Variants in SLC36A1 observed in about 807,000 individuals in gnomAD.
SLC36A1 encodes the protein proton-coupled amino acid transporter 1.
SLC36A1 carries 30 observed loss-of-function variants against 47.5 expected under a neutral mutation model. The observed-to-expected ratio is 0.63, with a 90% CI of 0.47 to 0.86. The LOEUF (loss-of-function observed/expected upper bound fraction) is 0.86, where lower values mean the gene tolerates loss of function less well. Ranked by LOEUF, SLC36A1 falls within the 40% of genes least tolerant of loss-of-function variation. The pLI is 0.00. For missense variants in SLC36A1, 517 were observed against 606.0 expected (o/e 0.85, Z 1.54); for synonymous variants, 255 against 249.7 (o/e 1.02, Z -0.20).
the SLC36A1 span, among the ~76,000 whole-genome samples, chr5:151,537,545 C>T: frequency 6.6e-6 from 1 of 152,092 alleles, no homozygotes; most frequent in Non-Finnish European, 1.5e-5. Flanking sequence ...TGCACTTTTT[C>T]TTAATTTAGC....
chr5:151,401,421 A>C, the SLC36A1 span, among the ~76,000 whole-genome samples: 1 of 152,066 alleles, frequency 6.6e-6, no homozygotes, highest in Non-Finnish European at 1.5e-5. Context: ...TGTTTTTGTT[A>C]CTGTAACCTT....
chr5:151,407,106 G>A, the SLC36A1 span, among the ~76,000 whole-genome samples: 2 of 150,554 alleles, frequency 1.3e-5, no homozygotes, highest in South Asian at 2.1e-4. Flanking sequence ...CCTTTGCAGC[G>A]AATGTTACAG....
the SLC36A1 span, among the ~76,000 whole-genome samples, chr5:151,528,313 A>G: frequency 6.6e-6 from 1 of 152,154 alleles, no homozygotes; most frequent in Non-Finnish European, 1.5e-5. Flanking sequence ...TCAGCATGCC[A>G]TGGTTTATTC....
At chr5:151,538,825 T>C in the SLC36A1 span, among the ~76,000 whole-genome samples, 2 of 151,504 alleles carry the variant, frequency 1.3e-5, no homozygotes, top group Non-Finnish European at 1.5e-5. Context: ...TACAGGTGCG[T>C]GCCACCACAC....
chr5:151,476,209 G>C (rs1170243033), intron 8 of SLC36A1, among the ~76,000 whole-genome samples: 1 of 152,254 alleles, frequency 6.6e-6, no homozygotes, highest in Non-Finnish European at 1.5e-5. Flanking sequence ...AGGAAGCTGT[G>C]ATCTCAGGTT....
At chr5:151,368,552 T>C in the SLC36A1 span, among the ~76,000 whole-genome samples, 1 of 152,224 alleles carries the variant, frequency 6.6e-6, no homozygotes, top group African/African-American at 2.4e-5. Context: ...TGCATTTTAT[T>C]GACTCCGAAT....
the SLC36A1 span, among the ~76,000 whole-genome samples, chr5:151,513,726 T>G: frequency 0.012 from 1,873 of 152,292 alleles, 40 homozygotes; most frequent in African/African-American, 0.043. Flanking sequence ...AACCTGCATA[T>G]GTACCCCCGA....
At chr5:151,380,255 C>T in the SLC36A1 span, 568 of 227,892 alleles carry the variant, frequency 2.5e-3, 3 homozygotes, top group African/African-American at 0.012. Context: ...GAGGCTGCGG[C>T]GGGCGGATCA....
intron 4 of SLC36A1, 33 bp from the exon 5 acceptor site, chr5:151,465,041 C>T (rs1392125988): frequency 2.6e-6 from 4 of 1,530,406 alleles, no homozygotes; most frequent in Non-Finnish European, 3.6e-6. Context: ...AATCCACGTG[C>T]TCTGTCCTTC....
At chr5:151,382,027 G>A in the SLC36A1 span, 1 of 647,038 alleles carries the variant, frequency 1.5e-6, no homozygotes, top group South Asian at 1.9e-5. Flanking sequence ...CCCAGCCCGG[G>A]AGCTCTCCCA....
the SLC36A1 span, among the ~76,000 whole-genome samples, chr5:151,352,369 C>A: frequency 6.6e-6 from 1 of 152,186 alleles, no homozygotes; most frequent in Non-Finnish European, 1.5e-5. Flanking sequence ...AGGCCTGGCT[C>A]ATGGTAGGCT....
chr5:151,532,312 T>C, the SLC36A1 span, among the ~76,000 whole-genome samples: 1 of 152,212 alleles, frequency 6.6e-6, no homozygotes, highest in African/African-American at 2.4e-5. Flanking sequence ...AGAACAGCTC[T>C]GTATCTTGAT....
upstream of SLC36A1, among the ~76,000 whole-genome samples, chr5:151,436,409 A>T (rs1007375952): frequency 1.3e-5 from 2 of 152,048 alleles, no homozygotes; most frequent in African/African-American, 4.8e-5. Flanking sequence ...GTGGATGTTG[A>T]GGGCCACCCC....
At chr5:151,479,189 G>A in intron 9 of SLC36A1, 131 bp from the exon 10 acceptor site, 4 of 860,774 alleles carry the variant, frequency 4.6e-6, no homozygotes, top group Non-Finnish European at 7.2e-6. Context: ...TGAAATTGCT[G>A]GGTCCGAAGG....
At chr5:151,550,799 C>T in the SLC36A1 span, 2,590 of 1,613,964 alleles carry the variant, frequency 1.6e-3, 29 homozygotes, top group African/African-American at 0.03. Context: ...TCCTGGGGAA[C>T]TCTGACTTCA....
chr5:151,523,038 C>T, the SLC36A1 span, among the ~76,000 whole-genome samples: 1 of 152,166 alleles, frequency 6.6e-6, no homozygotes, highest in Non-Finnish European at 1.5e-5. Context: ...GCCTTCTTCT[C>T]CTCAGTGATG....
the SLC36A1 span, among the ~76,000 whole-genome samples, chr5:151,373,638 GAAGA>G: frequency 6.6e-6 from 1 of 152,148 alleles, no homozygotes; most frequent in Admixed American, 6.5e-5. Context: ...TCTTCAGGAA[GAAGA>G]AATATTATTC....
chr5:151,546,189 C>G, the SLC36A1 span: 1 of 1,614,172 alleles, frequency 6.2e-7, no homozygotes, highest in African/African-American at 1.3e-5. Context: ...CATGAATGAT[C>G]ACTGTAGCCA....
At chr5:151,380,608 G>A in the SLC36A1 span, 1 of 550,516 alleles carries the variant, frequency 1.8e-6, no homozygotes, top group African/African-American at 1.9e-5. Flanking sequence ...GTCCACTGAA[G>A]AACTTCGTCA....
Sources: gnomAD v4.1 joint callset for allele counts (sites outside exome capture counted in the v4.1 genomes callset) on GRCh38, gnomAD v4.1.1 for gene constraint, MANE v1.5 for transcripts, NCBI Gene and HGNC (gene_info 2026-07-23, HGNC 2026-07-21) for gene names.